Variants in WRN observed in about 807,000 individuals in gnomAD.
WRN encodes bifunctional 3'-5' exonuclease/ATP-dependent helicase WRN.
In WRN, 149 loss-of-function variants were observed where a neutral mutation model predicts 180.7. That is an observed-to-expected ratio of 0.82 (90% CI 0.72 to 0.94). WRN has a LOEUF of 0.94. WRN is among the 40% of genes least tolerant of loss of function. WRN has a pLI of 0.00. For missense variants in WRN, 1,661 were observed against 1,700.1 expected (o/e 0.98, Z 0.40); for synonymous variants, 548 against 568.9 (o/e 0.96, Z 0.52).
chr8:31,084,389 TTAAA>T (rs1813441718), intron 10 of WRN, among the ~76,000 whole-genome samples: 1 of 152,220 alleles, frequency 6.6e-6, no homozygotes, highest in East Asian at 1.9e-4. Flanking sequence ...TCTTTATTCG[TTAAA>T]TAAGAAGTAA....
At chr8:31,035,550 G>A (rs1811421374) in intron 1 of WRN, among the ~76,000 whole-genome samples, 1 of 152,142 alleles carries the variant, frequency 6.6e-6, no homozygotes, top group Non-Finnish European at 1.5e-5. Flanking sequence ...GAATGTGTAG[G>A]ACTTTATGGG....
intron 3 of WRN, among the ~76,000 whole-genome samples, chr8:31,060,463 C>G (rs986379754): frequency 4.6e-5 from 7 of 151,690 alleles, no homozygotes; most frequent in African/African-American, 1.7e-4. Flanking sequence ...GTTTTGGGCC[C>G]GAGAGGTTGA....
intron 21 of WRN, among the ~76,000 whole-genome samples, chr8:31,122,860 G>GT (rs71206298): frequency 0.062 from 4,301 of 69,430 alleles, 518 homozygotes; most frequent in Non-Finnish European, 0.078. Context: ...TTCTTTTCTT[G>GT]TTTTTTTTTT....
chr8:31,089,852 C>A (rs1813672423), intron 13 of WRN, among the ~76,000 whole-genome samples: 1 of 151,978 alleles, frequency 6.6e-6, no homozygotes. Context: ...TCCATCCATT[C>A]ATATGTCTCT....
At chr8:31,102,488 A>G (rs2725333) in intron 18 of WRN, among the ~76,000 whole-genome samples, 48,444 of 152,138 alleles carry the variant, frequency 0.32, 9,110 homozygotes, top group East Asian at 0.6. Context: ...CACCTAGGCT[A>G]TATGATAGAG....
intron 33 of WRN, among the ~76,000 whole-genome samples, chr8:31,166,631 G>A (rs1185669576): frequency 1.3e-5 from 2 of 152,000 alleles, no homozygotes; most frequent in Non-Finnish European, 2.9e-5. Context: ...TAGGCAAAAG[G>A]CCAACAAGTG....
intron 1 of WRN, among the ~76,000 whole-genome samples, chr8:31,052,433 G>A (rs753978056): frequency 6.6e-6 from 1 of 152,068 alleles, no homozygotes; most frequent in African/African-American, 2.4e-5. Context: ...TGTTGCCCAG[G>A]GTGGAGTGCA....
At position 31,116,374 on chromosome 8, in the gene WRN, G is replaced by GTCCAACAA. The variant is rs755433977; in HGVS notation, c.2297_2304dup (p.Ile769GlnfsTer11). The GTCCAACAA allele has an allele frequency of 6.2e-7, 1 of 1,613,778 alleles. No homozygotes were observed. The highest frequency in any genetic ancestry group is 1.7e-5 in the Admixed American group (1 of 60,004). On this transcript the variant is annotated frameshift_variant, in exon 20 of 35. Transcript: ENST00000298139. LOFTEE classifies it high-confidence loss of function. ...TTTAGTTCCCACTGGGAATTTGAAG[G>GTCCAACAA]TCCAACAATCATCTACTGTCCTTCT...
chr8:31,169,628 G>C lies in WRN; in HGVS notation c.4191+2398G>C, dbSNP rs538897131. 3.9e-5 allele frequency among the ~76,000 whole-genome samples: 6 copies of C among 152,266 alleles called. No individual in the cohort carries two copies. In the South Asian group the frequency reaches 1.2e-3, roughly 32 times the overall value. ...ATTTTCGTATGAGATTAGTTTTCCT[G>C]TACTTTCAAAAGAAGGCGTGGTTCA... On this transcript the variant is annotated intron_variant, in intron 34 of 34. Transcript: ENST00000298139.
chr8:31,165,148 A>G (rs1188323431), intron 33 of WRN, among the ~76,000 whole-genome samples: 4 of 152,094 alleles, frequency 2.6e-5, no homozygotes, highest in African/African-American at 9.7e-5. Flanking sequence ...AGAGAATAAA[A>G]TATCTTACTT....
rs748544713 is a variant in WRN, at chr8:31,081,287, A to G, written c.1260A>G (p.Lys420=). 8 of 1,613,392 alleles carry G rather than the reference A, an allele frequency of 5.0e-6. No homozygotes were observed. Among genetic ancestry groups the G allele is most frequent in the Non-Finnish European group, 6.8e-6 (8 of 1,179,628 alleles). ...QEEYLSDIAY[K]STEHLSPNDN... is the part of the protein sequence containing the mutation. ...AATATCTTAGTGATATTGCTTATAAATCTACTGAGGTACTAAATAAAGAGG... is the reference window on the plus strand; with the variant it reads ...AATATCTTAGTGATATTGCTTATAAGTCTACTGAGGTACTAAATAAAGAGG... Residue 420 remains lysine, a synonymous_variant, in exon 9 of 35, where the codon AAA becomes AAG. Transcript: ENST00000298139.
intron 24 of WRN, among the ~76,000 whole-genome samples, chr8:31,140,746 T>G (rs3793442): frequency 0.24 from 36,965 of 152,072 alleles, 4,607 homozygotes; most frequent in South Asian, 0.29. Context: ...GCATTGCGTT[T>G]TTTTGTTTTG....
chr8:31,084,486 A>G (rs1813447890), intron 10 of WRN, among the ~76,000 whole-genome samples: 1 of 152,142 alleles, frequency 6.6e-6, no homozygotes, highest in Non-Finnish European at 1.5e-5. Context: ...TTTGCAGGTT[A>G]ATTAAGGCTG....
At chr8:31,171,213 T>C (rs1415002511) in intron 34 of WRN, 1 of 152,188 alleles carries the variant, frequency 6.6e-6, no homozygotes, top group African/African-American at 2.4e-5. Context: ...GGTTTCTTCC[T>C]CTGCTCTATT....
At chr8:31,121,283 T>G (rs967669406) in intron 21 of WRN, among the ~76,000 whole-genome samples, 1 of 151,972 alleles carries the variant, frequency 6.6e-6, no homozygotes, top group Non-Finnish European at 1.5e-5. Flanking sequence ...ATGGACATAT[T>G]AGCTCATTTT....
rs149565907 is a variant in WRN, at chr8:31,087,874, A to G, written c.1530A>G (p.Glu510=). 2 of 1,612,856 alleles carry G rather than the reference A, an allele frequency of 1.2e-6. No individual in the cohort carries two copies. The highest frequency in any genetic ancestry group is 1.7e-6 in the Non-Finnish European group (2 of 1,179,146). ...GTCTTCCTACTAAAGAAGAAGAAGA[A>G]GATGATGAAAATGAAGCTAATGAAG... ...NLGLPTKEEE[E]DDENEANEGE... is the part of the protein sequence containing the mutation. Residue 510 remains glutamate (E), a synonymous_variant, in exon 12 of 35, where the codon GAA becomes GAG. Transcript: ENST00000298139.
Position 31,074,582 on chromosome 8 carries a change from C to T in WRN, c.725-1591C>T, listed in dbSNP as rs143759186. ...GAATTAACAGTCATTGCTGAGGGTG[C>T]GTTTGAAATCTGTCATGAGTTTAAA... is the stretch of plus-strand genomic sequence containing the variant. On this transcript the variant is annotated intron_variant, in intron 7 of 34. Transcript: ENST00000298139. Among the ~76,000 whole-genome samples the T allele has an allele frequency of 1.2e-4, 19 of 152,150 alleles. No individual in the cohort carries two copies. The South Asian group carries it at 3.5e-3, about 28-fold the overall frequency.
intron 1 of WRN, among the ~76,000 whole-genome samples, chr8:31,055,935 G>A (rs1812255640): frequency 6.6e-6 from 1 of 152,146 alleles, no homozygotes; most frequent in Non-Finnish European, 1.5e-5. Context: ...CAACATTAAT[G>A]TTCTGTGTGC....
rs754575053 is a variant in WRN, at chr8:31,135,576, AAG to A, written c.2967+3079_2967+3080del. 1.2e-4 allele frequency among the ~76,000 whole-genome samples: 19 copies of A among 152,272 alleles called. No homozygotes were observed. In the East Asian group the frequency reaches 2.1e-3, roughly 17 times the overall value. ...ACATATAAATGCTGTTGAAGTTCTG[AAG>A]AGAGAGAGTGTTTAGAGAAATTAGA... On this transcript the variant is annotated intron_variant, in intron 24 of 34. Transcript: ENST00000298139.
Sources: gnomAD v4.1 joint callset for allele counts (sites outside exome capture counted in the v4.1 genomes callset) on GRCh38, gnomAD v4.1.1 for gene constraint, MANE v1.5 for transcripts, NCBI Gene and HGNC (gene_info 2026-07-23, HGNC 2026-07-21) for gene names.